Variants in VDAC1 observed in about 807,000 individuals in gnomAD.
VDAC1 encodes the protein voltage dependent anion channel 1, also known as non-selective voltage-gated ion channel VDAC1.
VDAC1 carries 10 observed loss-of-function variants against 34.7 expected under a neutral mutation model. That is an observed-to-expected ratio of 0.29 (90% CI 0.18 to 0.49). The LOEUF is 0.49. Among genes scored for constraint, VDAC1 ranks in the 20% least tolerant of loss-of-function variants. The pLI, the probability that VDAC1 is intolerant of heterozygous loss-of-function variation, is 0.99. For synonymous variants in VDAC1, 130 were observed against 136.0 expected (o/e 0.96, Z 0.30); for missense variants, 230 against 347.9 (o/e 0.66, Z 2.69).
the VDAC1 span, among the ~76,000 whole-genome samples, chr5:134,091,083 G>A: frequency 2.0e-5 from 3 of 152,134 alleles, no homozygotes. Context: ...TGCACTCTAG[G>A]GAGAAAAATT....
the VDAC1 span, among the ~76,000 whole-genome samples, chr5:134,028,182 G>C: frequency 6.6e-6 from 1 of 151,732 alleles, no homozygotes; most frequent in East Asian, 1.9e-4. Flanking sequence ...GCCCAGGCTG[G>C]AGTGCAGTGG....
the VDAC1 span, among the ~76,000 whole-genome samples, chr5:134,044,573 G>C: frequency 6.6e-6 from 1 of 152,158 alleles, no homozygotes; most frequent in Non-Finnish European, 1.5e-5. Flanking sequence ...TTGCATATCT[G>C]TATGTGTCTG....
chr5:134,109,421 C>T, the VDAC1 span, among the ~76,000 whole-genome samples: 1 of 152,142 alleles, frequency 6.6e-6, no homozygotes, highest in African/African-American at 2.4e-5. Flanking sequence ...TGTGACGCCG[C>T]TTGTCTCTCA....
At chr5:134,060,880 C>CTT in the VDAC1 span, among the ~76,000 whole-genome samples, 5 of 98,682 alleles carry the variant, frequency 5.1e-5, no homozygotes, top group African/African-American at 1.3e-4. Flanking sequence ...TCTTCTTCTT[C>CTT]TTTTTTTTTT....
At chr5:134,096,867 G>T in the VDAC1 span, among the ~76,000 whole-genome samples, 1 of 152,204 alleles carries the variant, frequency 6.6e-6, no homozygotes, top group Non-Finnish European at 1.5e-5. Flanking sequence ...GGAATTACAG[G>T]CATACGCCAC....
the VDAC1 span, among the ~76,000 whole-genome samples, chr5:134,102,973 C>T: frequency 6.6e-6 from 1 of 152,084 alleles, no homozygotes. Context: ...ACAGGGAGGA[C>T]CAAACCTCAG....
At chr5:133,997,862 G>A (rs1040597931) in intron 1 of VDAC1, among the ~76,000 whole-genome samples, 6 of 151,864 alleles carry the variant, frequency 4.0e-5, no homozygotes, top group Non-Finnish European at 7.4e-5. Flanking sequence ...TCAGGAGTTC[G>A]AGACCACCCT....
chr5:134,068,187 T>C, the VDAC1 span, among the ~76,000 whole-genome samples: 1 of 152,176 alleles, frequency 6.6e-6, no homozygotes, highest in Non-Finnish European at 1.5e-5. Flanking sequence ...TAATTATTGT[T>C]ACCTATCAGT....
At chr5:134,060,059 G>C in the VDAC1 span, among the ~76,000 whole-genome samples, 2 of 151,748 alleles carry the variant, frequency 1.3e-5, no homozygotes, top group Admixed American at 6.6e-5. Flanking sequence ...CCACACCCCA[G>C]GGCCCCTGCT....
the VDAC1 span, among the ~76,000 whole-genome samples, chr5:134,101,775 G>A: frequency 7.2e-5 from 11 of 152,276 alleles, no homozygotes; most frequent in East Asian, 7.7e-4. Flanking sequence ...TGGGGTCCTC[G>A]TCAGCTGTGT....
the VDAC1 span, among the ~76,000 whole-genome samples, chr5:134,027,302 A>G: frequency 1.1e-4 from 16 of 152,154 alleles, no homozygotes; most frequent in Non-Finnish European, 2.1e-4. Context: ...AGCAGCCATG[A>G]GAGGGGCTCC....
the VDAC1 span, among the ~76,000 whole-genome samples, chr5:134,084,115 A>G: frequency 6.6e-6 from 1 of 152,242 alleles, no homozygotes; most frequent in Non-Finnish European, 1.5e-5. Context: ...AAATGCATGT[A>G]GAGCACTTGG....
chr5:134,097,579 G>A, the VDAC1 span, among the ~76,000 whole-genome samples: 2 of 152,300 alleles, frequency 1.3e-5, no homozygotes, highest in Non-Finnish European at 2.9e-5. Flanking sequence ...GGAAGCCCTC[G>A]GCCACCTCGG....
chr5:134,039,239 G>A, the VDAC1 span, among the ~76,000 whole-genome samples: 1 of 152,178 alleles, frequency 6.6e-6, no homozygotes, highest in Non-Finnish European at 1.5e-5. Context: ...ATGTCATCTG[G>A]AGAGCCCTAA....
chr5:134,061,824 A>G, the VDAC1 span, among the ~76,000 whole-genome samples: 2 of 151,828 alleles, frequency 1.3e-5, no homozygotes, highest in African/African-American at 4.8e-5. Context: ...CAGTGGTAGC[A>G]GGTAGATTTT....
At chr5:133,985,313 A>G (rs1370000925) in intron 5 of VDAC1, among the ~76,000 whole-genome samples, 2 of 152,184 alleles carry the variant, frequency 1.3e-5, no homozygotes, top group Non-Finnish European at 2.9e-5. Context: ...ACTTCTGTAC[A>G]TTTTGGCAAG....
At chr5:134,074,765 C>G in the VDAC1 span, among the ~76,000 whole-genome samples, 1 of 152,030 alleles carries the variant, frequency 6.6e-6, no homozygotes, top group South Asian at 2.1e-4. Context: ...CAATGCTTAC[C>G]CTGCCCTATA....
the VDAC1 span, among the ~76,000 whole-genome samples, chr5:134,054,265 G>A: frequency 6.6e-6 from 1 of 152,108 alleles, no homozygotes; most frequent in African/African-American, 2.4e-5. Context: ...CTAGGGCGGG[G>A]CTGCCCTGCT....
At chr5:134,037,068 T>C in the VDAC1 span, among the ~76,000 whole-genome samples, 1 of 152,182 alleles carries the variant, frequency 6.6e-6, no homozygotes, top group African/African-American at 2.4e-5. Flanking sequence ...AGGTGCCCTT[T>C]AACGAGTAAC....
Sources: allele counts gnomAD v4.1 joint callset (sites outside exome capture counted in the v4.1 genomes callset), GRCh38; gene constraint gnomAD v4.1.1; transcripts MANE v1.5; gene names NCBI Gene and HGNC (gene_info 2026-07-23, HGNC 2026-07-21).